Variants in ITIH2 observed in about 807,000 individuals in gnomAD.
ITIH2 encodes inter-alpha-trypsin inhibitor heavy chain 2.
A neutral mutation model predicts 104.4 loss-of-function variants in ITIH2; 103 were observed. The ratio of observed to expected loss-of-function variants is 0.99; its 90% CI spans 0.84 to 1.16. The LOEUF (loss-of-function observed/expected upper bound fraction) is 1.16. Among genes scored for constraint, ITIH2 ranks in the 50% most tolerant of loss-of-function variants. The pLI, the probability that ITIH2 is intolerant of heterozygous loss-of-function variation, is 0.00. For missense variants in ITIH2, 1,108 were observed against 1,162.4 expected (o/e 0.95, Z 0.68); for synonymous variants, 436 against 435.4 (o/e 1.00, Z -0.02).
intron 20 of ITIH2, among the ~76,000 whole-genome samples, chr10:7,747,539 G>A (rs1274104070): frequency 6.6e-6 from 1 of 152,134 alleles, no homozygotes; most frequent in Non-Finnish European, 1.5e-5. Context: ...TGTCACAGAA[G>A]CAATGGTGAG....
chr10:7,709,307 C>A, intron 4 of ITIH2, 116 bp downstream of exon 4: 1 of 880,704 alleles, frequency 1.1e-6, no homozygotes, highest in South Asian at 1.5e-5. Flanking sequence ...GGCTGGATGT[C>A]AAGGGTCATT....
chr10:7,727,874 T>C lies in ITIH2; in HGVS notation c.1279+46T>C, dbSNP rs761393402. On this transcript the variant is annotated intron_variant, in intron 11 of 20. Transcript: ENST00000358415. ...CTCACGACAAACACTTTCACTGTTG[T>C]TTCTTGGAATGGTGGTTTGCCTAAA... is the stretch of plus-strand genomic sequence containing the variant. The C allele has an allele frequency of 3.7e-6, 6 of 1,607,626 alleles. No homozygotes were observed. In the South Asian group the frequency reaches 4.4e-5, roughly 12 times the overall value.
At position 7,749,260 on chromosome 10, in the gene ITIH2, G is replaced by A; in HGVS notation, c.2767G>A (p.Gly923Arg). 6.2e-7 allele frequency: 1 copy of A among 1,614,128 alleles called. No individual in the cohort carries two copies. Among genetic ancestry groups the A allele is most frequent in the Non-Finnish European group, 8.5e-7 (1 of 1,179,984 alleles). ...DVTCWFVHNS[G>R]KGFIDGHYKD... ...TACCTGCTGGTTTGTGCACAACAGT[G>A]GAAAAGGATTCATTGACGGGCATTA... The change falls in exon 21 of 21, where the codon GGA (glycine) becomes AGA (arginine). Residue 923 changes from glycine (G) to arginine (R), a missense_variant. Gly to Arg is a moderately radical substitution (Grantham distance 125). Transcript: ENST00000358415.
chr10:7,721,284 A>G (rs1308485259), intron 7 of ITIH2, among the ~76,000 whole-genome samples: 1 of 152,230 alleles, frequency 6.6e-6, no homozygotes, highest in Non-Finnish European at 1.5e-5. Context: ...AGACATGTTC[A>G]GCTCTCTGCC....
rs1470493983 is a variant in ITIH2 at position 7,737,678 on chromosome 10, T to TTTCTATATTATA, written c.1958-934_1958-923dup. On this transcript the variant is annotated intron_variant, in intron 15 of 20. Coordinates refer to ENST00000358415, the MANE Select transcript of ITIH2 (RefSeq NM_002216.3). The stretch of plus-strand genomic sequence containing the variant: ...TTATATTCTATATTATATTCTATAT[T>TTTCTATATTATA]TTCTATATTATATTCTATATAATAT... Among the ~76,000 whole-genome samples, 4 of 15,660 alleles carry TTTCTATATTATA rather than the reference T, an allele frequency of 2.6e-4. 1 individual carries two copies. Among genetic ancestry groups the TTTCTATATTATA allele is most frequent in the African/African-American group, 1.1e-3 (4 of 3,526 alleles). The allele number at this position is 15,660 out of a possible 152,430, so 10.3% of individuals were successfully genotyped here.
At position 7,731,986 on chromosome 10, in the gene ITIH2, C is replaced by T. The variant is rs779849424; in HGVS notation, c.1637C>T (p.Thr546Met). 1.3e-5 allele frequency: 21 copies of T among 1,612,402 alleles called. No individual in the cohort carries two copies. In the South Asian group the frequency reaches 1.3e-4, roughly 10 times the overall value. ...TTGGATCAAATAGAGAGCGTTATCA[C>T]GGCGACTTCGGTACTTCCACTTATC... is the stretch of plus-strand genomic sequence containing the variant. The part of the protein sequence containing the change: ...AKLDQIESVI[T>M]ATSANTQLVL... The change falls in exon 13 of 21, where the codon ACG becomes ATG. Residue 546 changes from threonine (T) to methionine (M), a missense_variant. Physicochemically the swap from Thr to Met is moderately conservative, Grantham distance 81. Transcript: ENST00000358415.
chr10:7,737,650 ATAT>A lies in ITIH2; in HGVS notation c.1958-967_1958-965del, dbSNP rs1227912785. ...TATTCTATATTCTATAGAATATTCT[ATAT>A]TATATTCTATATTATATTCTATATT... On this transcript the variant is annotated intron_variant, in intron 15 of 20. Transcript: ENST00000358415. Among the ~76,000 whole-genome samples, 23 of 90,664 alleles carry A rather than the reference ATAT, an allele frequency of 2.5e-4. 1 individual carries two copies. Among genetic ancestry groups the A allele is most frequent in the African/African-American group, 1.1e-3 (20 of 17,632 alleles). 59.5% of individuals were successfully genotyped at this position (90,664 alleles called of 152,430 possible).
At chr10:7,705,699 T>TA (rs1230396213) in intron 2 of ITIH2, among the ~76,000 whole-genome samples, 4 of 88,918 alleles carry the variant, frequency 4.5e-5, no homozygotes, top group Admixed American at 2.7e-4. Context: ...CCCACTCCAT[T>TA]TAAAAAAAAA....
chr10:7,742,098 G>T (rs950992565), intron 16 of ITIH2, among the ~76,000 whole-genome samples: 1 of 152,146 alleles, frequency 6.6e-6, no homozygotes, highest in Non-Finnish European at 1.5e-5. Context: ...TCTGCCCCTT[G>T]CACTAAAGTA....
Position 7,717,477 on chromosome 10 carries a change from A to C in ITIH2, c.468-149A>C, listed in dbSNP as rs368538671. 2.9e-4 allele frequency: 192 copies of C among 658,526 alleles called. No homozygotes were observed. In the East Asian group the frequency reaches 4.2e-3, roughly 15 times the overall value. 40.8% of individuals were successfully genotyped at this position (658,526 alleles called of 1,614,324 possible). On this transcript the variant is annotated intron_variant, in intron 5 of 20. Coordinates refer to ENST00000358415, the MANE Select transcript of ITIH2 (RefSeq NM_002216.3). ...GGGATTCAACTGATCTAGAAGCTGC[A>C]CTTATCTCTAGTGTACCTACTGTTC...
intron 4 of ITIH2, among the ~76,000 whole-genome samples, chr10:7,712,839 G>A (rs1017993574): frequency 2.0e-5 from 3 of 152,072 alleles, no homozygotes; most frequent in African/African-American, 7.2e-5. Flanking sequence ...TACTATTCTG[G>A]GCCAGGCGCG....
chr10:7,726,331 G>C (rs747517879), intron 9 of ITIH2, among the ~76,000 whole-genome samples: 3 of 152,196 alleles, frequency 2.0e-5, no homozygotes, highest in Non-Finnish European at 4.4e-5. Context: ...AAGGACAATT[G>C]CTGGAGCCAT....
chr10:7,720,884 G>A lies in ITIH2; in HGVS notation c.659G>A (p.Gly220Glu). Residue 220 changes from glycine (G) to glutamate (E), a missense_variant, in exon 7 of 21, where the codon GGA (glycine) becomes GAA (glutamate). Transcript: ENST00000358415. ...EVDVWVIEPQ[G>E]LRFLHVPDTF... ...GATGTGTGGGTTATCGAACCACAGG[G>A]ACTGAGATTTCTTCATGTTCCCGAC... The A allele has an allele frequency of 6.2e-7, 1 of 1,613,162 alleles. No homozygotes were observed. The highest frequency in any genetic ancestry group is 8.5e-7 in the Non-Finnish European group (1 of 1,179,142).
chr10:7,716,772 T>C (rs1013097016), intron 5 of ITIH2, among the ~76,000 whole-genome samples: 15 of 151,158 alleles, frequency 9.9e-5, no homozygotes, highest in African/African-American at 3.4e-4. Context: ...CATACTCAAT[T>C]TGAGCAATAA....
intron 6 of ITIH2, among the ~76,000 whole-genome samples, chr10:7,718,523 G>GTTAT (rs1834872451): frequency 1.3e-5 from 2 of 151,516 alleles, no homozygotes; most frequent in African/African-American, 4.9e-5. Context: ...TTGTTTCTCA[G>GTTAT]TTATTTTTTT....
intron 2 of ITIH2, 61 bp from the exon 3 acceptor site, chr10:7,707,140 T>C: frequency 2.5e-6 from 3 of 1,218,612 alleles, no homozygotes; most frequent in Non-Finnish European, 3.5e-6. Context: ...AAAACGGTTT[T>C]GGCTCTCAAG....
At chr10:7,724,602 C>T (rs904139129) in intron 9 of ITIH2, among the ~76,000 whole-genome samples, 4 of 113,752 alleles carry the variant, frequency 3.5e-5, no homozygotes, top group African/African-American at 1.3e-4. Flanking sequence ...AGGAAGAAGA[C>T]GAAGACGAAG....
intron 19 of ITIH2, among the ~76,000 whole-genome samples, chr10:7,746,068 TAAAAAAAAAA>T (rs372266950): frequency 3.4e-4 from 12 of 35,772 alleles, no homozygotes; most frequent in Admixed American, 5.3e-4. Flanking sequence ...ATCTTAAATT[TAAAAAAAAAA>T]AAAAAAAAAA....
rs570385108 is a variant in ITIH2, at chr10:7,743,689, G to C, written c.2210-393G>C. Among the ~76,000 whole-genome samples the C allele has an allele frequency of 3.3e-5, 5 of 152,214 alleles. No homozygotes were observed. In the South Asian group the frequency reaches 1.0e-3, roughly 32 times the overall value. On this transcript the variant is annotated intron_variant, in intron 17 of 20. Transcript: ENST00000358415. Reference sequence around the variant, plus strand: ...CCAGCTACTCAGGAGGCTGAGGCAGGAGAATTGCTTGAACCCGGGAGGTGG... The same window carrying C: ...CCAGCTACTCAGGAGGCTGAGGCAGCAGAATTGCTTGAACCCGGGAGGTGG...
Sources: allele counts gnomAD v4.1 joint callset (sites outside exome capture counted in the v4.1 genomes callset), GRCh38; gene constraint gnomAD v4.1.1; transcripts MANE v1.5; gene names NCBI Gene and HGNC (gene_info 2026-07-23, HGNC 2026-07-21).